CNBD1: variants seen among roughly 807,000 people sequenced by gnomAD.
The protein encoded by CNBD1 is cyclic nucleotide-binding domain-containing protein 1.
In CNBD1, 71 loss-of-function variants were observed where a neutral mutation model predicts 54.4. The ratio of observed to expected loss-of-function variants is 1.30; its 90% confidence interval spans 1.08 to 1.59. The LOEUF (loss-of-function observed/expected upper bound fraction) is 1.59, where lower values mean the gene tolerates loss of function less well. Among genes scored for constraint, CNBD1 ranks in the 40% most tolerant of loss-of-function variants. The pLI is 0.00. For synonymous variants in CNBD1, 182 were observed against 170.7 expected (o/e 1.07, Z -0.51); for missense variants, 659 against 518.0 (o/e 1.27, Z -2.64).
At chr8:87,287,577 G>T (rs1808721754) in intron 8 of CNBD1, among the ~76,000 whole-genome samples, 1 of 152,152 alleles carries the variant, frequency 6.6e-6, no homozygotes, top group Admixed American at 6.6e-5. Flanking sequence ...GAATGAATCT[G>T]ATTGGTAAAT....
At position 87,116,816 on chromosome 8, in the gene CNBD1, T is replaced by C. The variant is rs1811780929; in HGVS notation, c.432-89177T>C. ...TGCCAGGAGAGTTCTATATTAACACTACTCAAAATAACAACCTTTCAACAT... is the reference window on the plus strand; with the variant it reads ...TGCCAGGAGAGTTCTATATTAACACCACTCAAAATAACAACCTTTCAACAT... On this transcript the variant is annotated intron_variant, in intron 4 of 10. Transcript: ENST00000518476. Among the ~76,000 whole-genome samples, 4 of 152,278 alleles carry C rather than the reference T, an allele frequency of 2.6e-5. 1 individual carries two copies. The highest frequency in any genetic ancestry group is 2.6e-4 in the Admixed American group (4 of 15,296).
chr8:87,109,520 G>GTTTCTTTC (rs201936600), intron 4 of CNBD1, among the ~76,000 whole-genome samples: 1 of 140,790 alleles, frequency 7.1e-6, no homozygotes, highest in Admixed American at 7.3e-5. Context: ...GTCAGGGTTT[G>GTTTCTTTC]TTTCTTTCTT....
intron 4 of CNBD1, among the ~76,000 whole-genome samples, chr8:86,986,131 T>A (rs1808602006): frequency 6.6e-6 from 1 of 152,130 alleles, no homozygotes; most frequent in African/African-American, 2.4e-5. Flanking sequence ...GGTTTCACCA[T>A]GTTGGCTAGC....
chr8:87,312,821 C>G (rs776175239), intron 8 of CNBD1, among the ~76,000 whole-genome samples: 3 of 151,822 alleles, frequency 2.0e-5, no homozygotes, highest in Non-Finnish European at 4.4e-5. Flanking sequence ...TACAGGGCAG[C>G]CATGTCAAAG....
At chr8:87,231,502 G>A (rs996747251) in intron 5 of CNBD1, among the ~76,000 whole-genome samples, 1 of 152,134 alleles carries the variant, frequency 6.6e-6, no homozygotes, top group Non-Finnish European at 1.5e-5. Flanking sequence ...AGTTTCCTCA[G>A]TTGTAAAGTT....
Position 86,996,454 on chromosome 8 carries a change from G to A in CNBD1, c.431+56700G>A, listed in dbSNP as rs575277917. ...TAATGCAAAACTAGTTTATAAACCT[G>A]ATCAATGTTTTCATTAGGATTTCTA... is the stretch of plus-strand genomic sequence containing the variant. On this transcript the variant is annotated intron_variant, in intron 4 of 10. Coordinates refer to ENST00000518476, the MANE Select transcript of CNBD1 (RefSeq NM_173538.3). 2.9e-3 allele frequency among the ~76,000 whole-genome samples: 435 copies of A among 152,254 alleles called. 7 individuals carry two copies. The highest frequency in any genetic ancestry group is 0.01 in the African/African-American group (416 of 41,536).
intron 2 of CNBD1, among the ~76,000 whole-genome samples, chr8:87,388,076 C>T (rs1226698585): frequency 6.6e-6 from 1 of 152,106 alleles, no homozygotes; most frequent in East Asian, 1.9e-4. Flanking sequence ...GGACACAACA[C>T]ACCAGAATCT....
At chr8:86,935,017 G>GTTTATTTA (rs199778224) in intron 3 of CNBD1, among the ~76,000 whole-genome samples, 956 of 65,924 alleles carry the variant, frequency 0.015, no homozygotes, top group Non-Finnish European at 0.026. Context: ...TTGTTTGTTT[G>GTTTATTTA]TTTATTTATT....
intron 8 of CNBD1, among the ~76,000 whole-genome samples, chr8:87,296,637 A>ATG (rs915669367): frequency 1.3e-5 from 2 of 151,510 alleles, no homozygotes; most frequent in African/African-American, 4.8e-5. Flanking sequence ...ATACATATAT[A>ATG]TGTGTGTGTG....
chr8:86,894,287 T>G (rs1808818227), intron 2 of CNBD1, among the ~76,000 whole-genome samples: 1 of 150,762 alleles, frequency 6.6e-6, no homozygotes. Context: ...GGTCTCGATC[T>G]CCTGACCTCA....
chr8:87,288,102 C>A (rs1002254785), intron 8 of CNBD1, among the ~76,000 whole-genome samples: 2 of 151,998 alleles, frequency 1.3e-5, no homozygotes, highest in African/African-American at 4.8e-5. Context: ...ATGAGCATCC[C>A]AGAACCAGTT....
intron 2 of CNBD1, among the ~76,000 whole-genome samples, chr8:87,418,977 T>C (rs1175334590): frequency 6.6e-6 from 1 of 151,916 alleles, no homozygotes; most frequent in Non-Finnish European, 1.5e-5. Context: ...ATTGAAAACA[T>C]ATGTCTGCAC....
chr8:87,248,341 A>G (rs1286635076), intron 6 of CNBD1, among the ~76,000 whole-genome samples: 2 of 152,198 alleles, frequency 1.3e-5, no homozygotes, highest in South Asian at 2.1e-4. Flanking sequence ...AAAGTTCACA[A>G]TGGATGTTTT....
chr8:87,067,066 C>A lies in CNBD1; in HGVS notation c.431+127312C>A, dbSNP rs16896811. Among the ~76,000 whole-genome samples the A allele has an allele frequency of 9.6e-3, 1,462 of 151,988 alleles. 18 individuals are homozygous for A. Among genetic ancestry groups the A allele is most frequent in the African/African-American group, 0.032 (1,349 of 41,538 alleles). ...ACTGGCTGCATTTTAAATTTAGGTA[C>A]AATGCACATGTGTGCTGCCATCATT... On this transcript the variant is annotated intron_variant, in intron 4 of 10. Transcript: ENST00000518476.
intron 2 of CNBD1, among the ~76,000 whole-genome samples, chr8:86,889,412 T>TGAG (rs1808731581): frequency 6.6e-6 from 1 of 152,128 alleles, no homozygotes; most frequent in African/African-American, 2.4e-5. Flanking sequence ...AGAGGCAATT[T>TGAG]AGGAAAAATG....
intron 8 of CNBD1, among the ~76,000 whole-genome samples, chr8:87,338,172 A>T (rs2130916395): frequency 6.6e-6 from 1 of 152,332 alleles, no homozygotes; most frequent in South Asian, 2.1e-4. Flanking sequence ...ACCTTTAAGT[A>T]ACGTTATAAG....
intron 1 of CNBD1, among the ~76,000 whole-genome samples, chr8:86,877,501 C>T (rs930859715): frequency 3.9e-5 from 6 of 152,134 alleles, no homozygotes; most frequent in Non-Finnish European, 2.9e-5. Flanking sequence ...GGTTGCCCTA[C>T]TCTTTGCCAG....
chr8:87,228,563 G>T (rs923274177), intron 5 of CNBD1, among the ~76,000 whole-genome samples: 1 of 150,650 alleles, frequency 6.6e-6, no homozygotes, highest in South Asian at 2.1e-4. Context: ...GGGGGTCAGG[G>T]GTCAGGGACC....
At chr8:86,974,011 G>A (rs113582434) in intron 4 of CNBD1, among the ~76,000 whole-genome samples, 6,507 of 151,982 alleles carry the variant, frequency 0.043, 149 homozygotes, top group Non-Finnish European at 0.045. Context: ...TCTTCTAGGA[G>A]GATTTTTTTT....
Sources: allele counts gnomAD v4.1 joint callset (sites outside exome capture counted in the v4.1 genomes callset), GRCh38; gene constraint gnomAD v4.1.1; transcripts MANE v1.5; gene names NCBI Gene and HGNC (gene_info 2026-07-23, HGNC 2026-07-21).